DPYD: variants seen among roughly 807,000 people sequenced by gnomAD.
DPYD encodes the protein dihydropyrimidine dehydrogenase [NADP(+)].
A neutral mutation model predicts 116.2 loss-of-function variants in DPYD; 109 were observed. The ratio of observed to expected loss-of-function variants is 0.94; its 90% CI spans 0.80 to 1.10. The LOEUF is 1.10. Among genes scored for constraint, DPYD ranks in the 50% least tolerant of loss-of-function variants. The probability of loss-of-function intolerance (pLI) is 0.00; values close to 1 mark genes in which losing one functional copy is unlikely to be tolerated. For synonymous variants in DPYD, 440 were observed against 432.0 expected, an observed-to-expected ratio of 1.02 and a Z score of -0.23; for missense variants, 1,302 against 1,254.5, an observed-to-expected ratio of 1.04 and a Z score of -0.57.
At position 97,772,055 on chromosome 1, in the gene DPYD, T is replaced by A. The variant is rs114042025; in HGVS notation, c.234-31576A>T. Among the ~76,000 whole-genome samples, 1,369 of 152,276 alleles carry A rather than the reference T, an allele frequency of 9.0e-3. 17 individuals are homozygous for A. The highest frequency in any genetic ancestry group is 0.03 in the African/African-American group (1,246 of 41,556). On this transcript the variant is annotated intron_variant, in intron 3 of 22. Coordinates refer to ENST00000370192, the MANE Select transcript of DPYD (RefSeq NM_000110.4). ...ATATTATACAAAAATAAAAGATAAA[T>A]CTTTATTTATCAAAGTCCTCTCACT...
chr1:97,813,068 T>C (rs981354539), intron 3 of DPYD, among the ~76,000 whole-genome samples: 6 of 152,252 alleles, frequency 3.9e-5, no homozygotes, highest in Admixed American at 3.3e-4. Flanking sequence ...AAGGAACAAC[T>C]TTCAGACTGC....
chr1:97,334,702 G>A (rs369994254), intron 16 of DPYD, among the ~76,000 whole-genome samples: 7 of 152,324 alleles, frequency 4.6e-5, no homozygotes, highest in African/African-American at 1.4e-4. Flanking sequence ...TATGACTGGT[G>A]CTGACCACAT....
At chr1:97,706,785 A>C (rs1661981636) in intron 5 of DPYD, among the ~76,000 whole-genome samples, 1 of 152,096 alleles carries the variant, frequency 6.6e-6, no homozygotes, top group African/African-American at 2.4e-5. Flanking sequence ...TATCTCAAAA[A>C]TTTTGGTGAT....
intron 3 of DPYD, among the ~76,000 whole-genome samples, chr1:97,762,336 T>C (rs1371539135): frequency 1.3e-5 from 2 of 152,072 alleles, no homozygotes; most frequent in Non-Finnish European, 2.9e-5. Context: ...ATAAGAATTT[T>C]AGATATTATT....
rs539087415 is a variant in DPYD, at chr1:97,183,183, C to A, written c.2622+9886G>T. Among the ~76,000 whole-genome samples, 87 of 152,120 alleles carry A rather than the reference C, an allele frequency of 5.7e-4. 1 individual carries two copies. Among genetic ancestry groups the A allele is most frequent in the South Asian group, 6.2e-4 (3 of 4,826 alleles). On this transcript the variant is annotated intron_variant, in intron 20 of 22. Coordinates refer to ENST00000370192, the MANE Select transcript of DPYD (RefSeq NM_000110.4). ...TTTGAAGGCAAGGAGTATATGCCTT[C>A]TGTTCAATTTTGCTGTGAATCTAAA...
chr1:97,581,582 A>AT (rs1553199264), intron 10 of DPYD, among the ~76,000 whole-genome samples: 3 of 151,136 alleles, frequency 2.0e-5, no homozygotes, highest in Non-Finnish European at 2.9e-5. Context: ...TCTCTACTAA[A>AT]TTTTTTTTAA....
intron 18 of DPYD, among the ~76,000 whole-genome samples, chr1:97,290,283 G>A (rs1352318799): frequency 1.3e-5 from 2 of 152,000 alleles, no homozygotes; most frequent in Non-Finnish European, 2.9e-5. Flanking sequence ...CAGATTCAAT[G>A]CCATCCCCAT....
chr1:97,823,133 TTTTG>T (rs755591373), intron 3 of DPYD, among the ~76,000 whole-genome samples: 203 of 152,164 alleles, frequency 1.3e-3, no homozygotes, highest in Non-Finnish European at 1.8e-3. Context: ...ACTTGTCTTT[TTTTG>T]TTTGTTTGTT....
chr1:97,215,456 C>T (rs1660315978), intron 19 of DPYD, among the ~76,000 whole-genome samples: 2 of 152,040 alleles, frequency 1.3e-5, no homozygotes, highest in Non-Finnish European at 2.9e-5. Flanking sequence ...ACAATAGCGT[C>T]TCTAGAGAGC....
chr1:97,339,687 G>A (rs993564316), intron 16 of DPYD, among the ~76,000 whole-genome samples: 1 of 152,096 alleles, frequency 6.6e-6, no homozygotes, highest in African/African-American at 2.4e-5. Context: ...TTTACAAGAA[G>A]AGCAAAGCAC....
intron 8 of DPYD, among the ~76,000 whole-genome samples, chr1:97,660,432 CTTTA>C (rs1659181625): frequency 6.6e-6 from 1 of 152,034 alleles, no homozygotes; most frequent in Admixed American, 6.5e-5. Flanking sequence ...AAATAAAATG[CTTTA>C]TTTATTCTTT....
In DPYD at chr1:97,456,529, T is replaced by C. The variant is rs11805672; in HGVS notation, c.1741-6306A>G. Among the ~76,000 whole-genome samples, 307 of 152,160 alleles carry C rather than the reference T, an allele frequency of 2.0e-3. 1 individual carries two copies. Among genetic ancestry groups the C allele is most frequent in the African/African-American group, 7.3e-3 (302 of 41,542 alleles). On this transcript the variant is annotated intron_variant, in intron 13 of 22. Coordinates refer to ENST00000370192, the MANE Select transcript of DPYD (RefSeq NM_000110.4). Reference sequence around the variant, plus strand: ...TGTAGGGAAAGACACTCCTCCAAACTTGTAATCTCTTAGGCCAGATTTTAA... The same window carrying C: ...TGTAGGGAAAGACACTCCTCCAAACCTGTAATCTCTTAGGCCAGATTTTAA...
intron 16 of DPYD, among the ~76,000 whole-genome samples, chr1:97,368,610 T>A (rs929635131): frequency 1.3e-5 from 2 of 152,132 alleles, no homozygotes; most frequent in Admixed American, 6.5e-5. Context: ...TTTTGATAGC[T>A]GATGGAAGGT....
At chr1:97,338,913 T>C (rs965461058) in intron 16 of DPYD, among the ~76,000 whole-genome samples, 1 of 152,152 alleles carries the variant, frequency 6.6e-6, no homozygotes, top group African/African-American at 2.4e-5. Flanking sequence ...CTTGAACAGG[T>C]AGCTACTATT....
At chr1:97,729,289 C>T (rs17378455) in intron 4 of DPYD, among the ~76,000 whole-genome samples, 9,834 of 152,064 alleles carry the variant, frequency 0.065, 372 homozygotes, top group Middle Eastern at 0.1. Flanking sequence ...AGCAATATGA[C>T]TGGGGAAATG....
intron 1 of DPYD, among the ~76,000 whole-genome samples, chr1:97,891,263 T>C (rs1298273360): frequency 6.6e-6 from 1 of 151,926 alleles, no homozygotes; most frequent in African/African-American, 2.4e-5. Context: ...GTCCCCTCTC[T>C]GGATGAATTG....
At chr1:97,286,386 C>T (rs572538118) in intron 18 of DPYD, among the ~76,000 whole-genome samples, 35 of 152,214 alleles carry the variant, frequency 2.3e-4, no homozygotes, top group Middle Eastern at 3.4e-3. Flanking sequence ...GTGAATCTGA[C>T]GATTATGTGT....
intron 18 of DPYD, among the ~76,000 whole-genome samples, chr1:97,291,791 G>A (rs1050631743): frequency 2.6e-5 from 4 of 151,802 alleles, no homozygotes; most frequent in African/African-American, 9.7e-5. Flanking sequence ...TACATATGTA[G>A]CTAAACTGCA....
intron 16 of DPYD, among the ~76,000 whole-genome samples, chr1:97,337,459 G>A (rs1191283839): frequency 6.6e-6 from 1 of 151,984 alleles, no homozygotes. Context: ...CCATCCTTCT[G>A]CCCTGACCAC....
Sources: gnomAD v4.1 joint callset for allele counts (sites outside exome capture counted in the v4.1 genomes callset) on GRCh38, gnomAD v4.1.1 for gene constraint, MANE v1.5 for transcripts, NCBI Gene and HGNC (gene_info 2026-07-23, HGNC 2026-07-21) for gene names.